The following SLC23A1 variants were observed in gnomAD, a reference collection of about 807,000 sequenced individuals.
SLC23A1 encodes the protein solute carrier family 23 member 1.
In SLC23A1, 31 loss-of-function variants were observed where a neutral mutation model predicts 62.5. That is an observed-to-expected ratio of 0.50 (90% CI 0.37 to 0.67). The LOEUF is 0.67. SLC23A1 is among the 30% of genes least tolerant of loss of function. The probability of loss-of-function intolerance (pLI) is 0.00; values close to 1 mark genes in which losing one functional copy is unlikely to be tolerated. For synonymous variants in SLC23A1, 271 were observed against 313.2 expected (o/e 0.87, Z 1.42); for missense variants, 640 against 782.7 (o/e 0.82, Z 2.18).
At chr5:139,384,845 G>T, upstream of SLC23A1, 1 of 690,946 alleles carries the variant, frequency 1.4e-6, no homozygotes. Context: ...AAGCTTAGTG[G>T]GTTTCTTGGG....
intron 14 of SLC23A1, chr5:139,368,776 G>C (rs1441468405): frequency 3.7e-6 from 6 of 1,613,096 alleles, no homozygotes; most frequent in South Asian, 1.1e-5. Flanking sequence ...TTTGTTCCTG[G>C]GGTGAAGTAC....
chr5:139,382,770 A>G (rs1228440783), intron 1 of SLC23A1, among the ~76,000 whole-genome samples, 165 bp from the exon 2 acceptor site: 1 of 152,236 alleles, frequency 6.6e-6, no homozygotes, highest in Admixed American at 6.5e-5. Flanking sequence ...TGGCCTGGCC[A>G]CAGTTTTCTC....
At position 139,379,749 on chromosome 5, in the gene SLC23A1, C is replaced by G; in HGVS notation, c.854G>C (p.Gly285Ala). The G allele has an allele frequency of 6.2e-7, 1 of 1,614,044 alleles. No individual in the cohort carries two copies. Among genetic ancestry groups the G allele is most frequent in the Non-Finnish European group, 8.5e-7 (1 of 1,179,996 alleles). ...ACGGGCATCGGTTCGTGCCTGGAAG[C>G]CATAGGCTTTTGGGTCTGTGGGCAG... ...DVLPTDPKAY[G>A]FQARTDARGD... The change falls in exon 8 of 15, where the codon GGC (glycine) becomes GCC (alanine). Residue 285 changes from glycine (G) to alanine (A), a missense_variant. Physicochemically the swap from Gly to Ala is moderately conservative, Grantham distance 60 (BLOSUM62 0). Transcript: ENST00000348729. This position sits in a 1 kb window ranked among gnomAD's most constrained non-coding sequence, Gnocchi z 4.7.
At position 139,377,999 on chromosome 5, in the gene SLC23A1, A is replaced by T. The variant is rs762050478; in HGVS notation, c.1429T>A (p.Ser477Thr). 2 of 1,613,824 alleles carry T rather than the reference A, an allele frequency of 1.2e-6. No individual in the cohort carries two copies. Among genetic ancestry groups the T allele is most frequent in the Non-Finnish European group, 1.7e-6 (2 of 1,179,924 alleles). The change falls in exon 12 of 15, where the codon TCC (serine) becomes ACC (threonine). Residue 477 changes from serine to threonine, a missense_variant. By Grantham distance (58) the Ser-to-Thr change is moderately conservative. Coordinates refer to ENST00000348729, the MANE Select transcript of SLC23A1 (RefSeq NM_005847.5). ...CCTGTATTGATGGCGCCAGGGTTGG[A>T]CTCCAGGTAATTGGGCAGCGTGAGC... ...FGLTLPNYLE[S>T]NPGAINTGIL... is the part of the protein sequence containing the mutation.
At chr5:139,372,840 C>T (rs1037510684) in intron 13 of SLC23A1, among the ~76,000 whole-genome samples, 1 of 152,114 alleles carries the variant, frequency 6.6e-6, no homozygotes, top group Admixed American at 6.6e-5. Flanking sequence ...GGCTTGGCCT[C>T]CCAAAGTGCT....
intron 14 of SLC23A1, among the ~76,000 whole-genome samples, chr5:139,368,058 G>A (rs1424175644): frequency 3.9e-5 from 6 of 152,102 alleles, no homozygotes; most frequent in African/African-American, 9.7e-5. Flanking sequence ...AAATTAGGCC[G>A]GGCGCGGTGG....
rs75861990 is a variant in SLC23A1 at position 139,380,661 on chromosome 5, G to A, written c.398-29C>T. 826 of 1,566,622 alleles carry A rather than the reference G, an allele frequency of 5.3e-4. 8 individuals are homozygous for A. In the East Asian group the frequency reaches 0.014, roughly 26 times the overall value. ...GGGGTAGAGTCAGGGATACACACAC[G>A]GACCAGGTACAGAGACAGAGAGGGA... On this transcript the variant is annotated intron_variant, in intron 4 of 14. Transcript: ENST00000348729.
chr5:139,377,237 T>C (rs1289973210), intron 13 of SLC23A1, among the ~76,000 whole-genome samples, 165 bp downstream of exon 13: 1 of 152,152 alleles, frequency 6.6e-6, no homozygotes, highest in African/African-American at 2.4e-5. Context: ...TGCCTCATTC[T>C]CTCCCTCCAG....
chr5:139,380,761 C>T (rs546048567), intron 4 of SLC23A1, 37 bp downstream of exon 4: 7 of 1,490,146 alleles, frequency 4.7e-6, no homozygotes, highest in Admixed American at 3.7e-5. Flanking sequence ...TCTGGGCCTC[C>T]CCTTTTCCCC....
At chr5:139,385,024 C>A (rs942601244), upstream of SLC23A1, among the ~76,000 whole-genome samples, 1 of 152,162 alleles carries the variant, frequency 6.6e-6, no homozygotes, top group African/African-American at 2.4e-5. Context: ...CCCCCAGCAG[C>A]CCGCCTCTCC....
At chr5:139,377,044 G>A (rs868843594) in intron 13 of SLC23A1, among the ~76,000 whole-genome samples, 8 of 152,156 alleles carry the variant, frequency 5.3e-5, no homozygotes, top group Admixed American at 1.3e-4. Context: ...TGAACCCTCC[G>A]GGAAGTGGAG....
At chr5:139,375,887 A>T (rs1489251660) in intron 13 of SLC23A1, among the ~76,000 whole-genome samples, 1 of 152,024 alleles carries the variant, frequency 6.6e-6, no homozygotes, top group Non-Finnish European at 1.5e-5. Context: ...TAATCCCAGT[A>T]CTTTGAGAGG....
chr5:139,378,510 G>A lies in SLC23A1; in HGVS notation c.1179+69C>T. ...CAGGGTGGGGCTAAACCAAAGTGGG[G>A]ACCGAGTTGGGGCGGGGCCTGCGGC... is the stretch of plus-strand genomic sequence containing the variant. On this transcript the variant is annotated intron_variant, in intron 10 of 14. Coordinates refer to ENST00000348729, the MANE Select transcript of SLC23A1 (RefSeq NM_005847.5). The surrounding 1 kb of genome is among the most constrained non-coding windows in gnomAD (Gnocchi z 4.5). 7 of 1,449,352 alleles carry A rather than the reference G, an allele frequency of 4.8e-6. No homozygotes were observed. Among genetic ancestry groups the A allele is most frequent in the South Asian group, 2.4e-5 (2 of 81,802 alleles). 89.8% of individuals were successfully genotyped at this position (1,449,352 alleles called of 1,614,324 possible).
At chr5:139,372,511 C>T (rs982119071) in intron 13 of SLC23A1, among the ~76,000 whole-genome samples, 5 of 152,190 alleles carry the variant, frequency 3.3e-5, no homozygotes, top group African/African-American at 1.2e-4. Context: ...GCTTTAATTT[C>T]ATTATCTTGT....
Position 139,378,586 on chromosome 5 carries a change from A to G in SLC23A1, c.1172T>C (p.Ile391Thr), listed in dbSNP as rs377248719. 2 of 1,604,954 alleles carry G rather than the reference A, an allele frequency of 1.2e-6. No homozygotes were observed. Among genetic ancestry groups the G allele is most frequent in the Non-Finnish European group, 1.7e-6 (2 of 1,175,736 alleles). The change falls in exon 10 of 15, where the codon ATT becomes ACT. Residue 391 changes from isoleucine to threonine, a missense_variant. Coordinates refer to ENST00000348729, the MANE Select transcript of SLC23A1 (RefSeq NM_005847.5). This position sits in a 1 kb window ranked among gnomAD's most constrained non-coding sequence, Gnocchi z 4.5. Reference sequence around the variant, plus strand: ...TCTGGCTCGTCGCGACACCTTGGTAATTCCCAGGACGCCAATGTTGGGACT... The same window carrying G: ...TCTGGCTCGTCGCGACACCTTGGTAGTTCCCAGGACGCCAATGTTGGGACT... The part of the protein sequence containing the change: ...SSSPNIGVLG[I>T]TKVGSRRVVQ...
At chr5:139,382,739 T>C in intron 1 of SLC23A1, 134 bp from the exon 2 acceptor site, 1 of 630,684 alleles carries the variant, frequency 1.6e-6, no homozygotes, top group Non-Finnish European at 2.8e-6. Context: ...TCCCCAACAG[T>C]CCATCCACCC....
At position 139,378,193 on chromosome 5, in the gene SLC23A1, G is replaced by T. The variant is rs1164085310; in HGVS notation, c.1309+29C>A. ...TGAGTCCCACTCGGCGACCCGCACCGCGACCCGTGGCCCGCGCCAGACACT... is the reference window on the plus strand; with the variant it reads ...TGAGTCCCACTCGGCGACCCGCACCTCGACCCGTGGCCCGCGCCAGACACT... On this transcript the variant is annotated intron_variant, in intron 11 of 14. Coordinates refer to ENST00000348729, the MANE Select transcript of SLC23A1 (RefSeq NM_005847.5). This position sits in a 1 kb window ranked among gnomAD's most constrained non-coding sequence, Gnocchi z 4.5. The T allele has an allele frequency of 6.2e-7, 1 of 1,612,858 alleles. No individual in the cohort carries two copies. Among genetic ancestry groups the T allele is most frequent in the Non-Finnish European group, 8.5e-7 (1 of 1,179,436 alleles).
At chr5:139,369,695 AAAAT>A (rs1413172550) in intron 14 of SLC23A1, 2 of 152,654 alleles carry the variant, frequency 1.3e-5, no homozygotes, top group Non-Finnish European at 2.9e-5. Flanking sequence ...AATATTTAAA[AAAAT>A]AAATAATAGT....
At chr5:139,370,359 C>T (rs1757578021) in intron 14 of SLC23A1, among the ~76,000 whole-genome samples, 1 of 152,028 alleles carries the variant, frequency 6.6e-6, no homozygotes, top group Non-Finnish European at 1.5e-5. Context: ...TTAGTAGAGA[C>T]CGAGTTTCAC....
Sources: gnomAD v4.1 joint callset for allele counts (sites outside exome capture counted in the v4.1 genomes callset) on GRCh38, gnomAD v4.1.1 for gene constraint, Gnocchi (gnomAD v3.1) non-coding constraint, MANE v1.5 for transcripts, NCBI Gene and HGNC (gene_info 2026-07-23, HGNC 2026-07-21) for gene names.